PUDP: variants seen among roughly 807,000 people sequenced by gnomAD.
The protein encoded by PUDP is pseudouridine 5'-phosphatase.
In PUDP, 8 loss-of-function variants were observed where a neutral mutation model predicts 9.4. The observed-to-expected ratio is 0.85, with a 90% CI of 0.50 to 1.53. The LOEUF is 1.53. Ranked by LOEUF, PUDP falls within the 40% of genes most tolerant of loss-of-function variation. PUDP has a pLI of 0.00. For synonymous variants in PUDP, 99 were observed against 80.7 expected (o/e 1.23, Z -1.22); for missense variants, 188 against 189.7 (o/e 0.99, Z 0.05).
chrX:6,762,656 T>C (rs1438766188), intron 3 of PUDP, among the ~76,000 whole-genome samples: 2 of 112,208 alleles, frequency 1.8e-5, no homozygotes, highest in Admixed American at 9.4e-5. Context: ...ATACTTAAAA[T>C]AGCAGGAGAA....
At chrX:6,729,629 T>G (rs1486530912) in intron 3 of PUDP, among the ~76,000 whole-genome samples, 7 of 112,090 alleles carry the variant, frequency 6.2e-5, no homozygotes, top group African/African-American at 2.3e-4. Flanking sequence ...GATCAATCCT[T>G]TATTCTTTAA....
At chrX:6,722,797 A>G (rs186600779), upstream of PUDP, among the ~76,000 whole-genome samples, 7 of 112,252 alleles carry the variant, frequency 6.2e-5, no homozygotes, top group African/African-American at 9.7e-5. Context: ...AGTAAAGGAG[A>G]TTGAACAACT....
At chrX:6,799,697 C>G (rs1045043390) in intron 3 of PUDP, among the ~76,000 whole-genome samples, 3 of 111,357 alleles carry the variant, frequency 2.7e-5, no homozygotes, top group Non-Finnish European at 5.6e-5. Flanking sequence ...ATTAGCCAGA[C>G]GTGGTGGTGC....
chrX:6,990,723 C>T (rs1265956351), intron 1 of PUDP, among the ~76,000 whole-genome samples: 1 of 111,776 alleles, frequency 8.9e-6, no homozygotes, highest in Non-Finnish European at 1.9e-5. Context: ...ATGCCAATGC[C>T]GCATGGGCCG....
intron 1 of PUDP, among the ~76,000 whole-genome samples, chrX:7,005,416 A>G (rs1929389272): frequency 9.2e-6 from 1 of 109,146 alleles, no homozygotes; most frequent in Non-Finnish European, 1.9e-5. Context: ...TATTATTATT[A>G]TTATTATTTT....
chrX:6,711,391 G>A (rs55743671), intron 1 of PUDP, among the ~76,000 whole-genome samples: 23,540 of 110,529 alleles, frequency 0.21, 2,375 homozygotes, highest in Non-Finnish European at 0.31. Context: ...GGTGTGCTGC[G>A]AGACCCTCTC....
chrX:6,903,810 G>C (rs1927726067), intron 3 of PUDP, among the ~76,000 whole-genome samples: 1 of 110,172 alleles, frequency 9.1e-6, no homozygotes, highest in African/African-American at 3.3e-5. Flanking sequence ...TAGGAGGGAG[G>C]TAAGAGCTGA....
intron 3 of PUDP, among the ~76,000 whole-genome samples, chrX:6,838,583 C>A (rs1180590509): frequency 8.9e-6 from 1 of 112,226 alleles, no homozygotes; most frequent in Non-Finnish European, 1.9e-5. Flanking sequence ...AGAACCGCAG[C>A]ATTCAAAATA....
At chrX:6,803,506 C>T (rs1056311492) in intron 3 of PUDP, among the ~76,000 whole-genome samples, 4 of 112,325 alleles carry the variant, frequency 3.6e-5, no homozygotes, top group African/African-American at 1.3e-4. Context: ...AAAACATGCC[C>T]TTTGCATGTA....
At chrX:6,733,275 C>T (rs1053489788) in intron 3 of PUDP, among the ~76,000 whole-genome samples, 1 of 111,693 alleles carries the variant, frequency 9.0e-6, no homozygotes, top group Non-Finnish European at 1.9e-5. Flanking sequence ...CCAGTCTGCT[C>T]GGGAGAGGCA....
chrX:7,104,373 T>C (rs1931820922), intron 2 of PUDP, among the ~76,000 whole-genome samples: 1 of 111,496 alleles, frequency 9.0e-6, no homozygotes, highest in Admixed American at 9.5e-5. Context: ...AAACAGAAAG[T>C]AGAATGGTGG....
At chrX:6,816,959 T>C (rs1457988325) in intron 3 of PUDP, among the ~76,000 whole-genome samples, 1 of 96,880 alleles carries the variant, frequency 1.0e-5, no homozygotes, top group Non-Finnish European at 2.0e-5. Context: ...TATATGTATA[T>C]ACAATATATA....
At chrX:6,983,511 C>A (rs1929065060) in intron 1 of PUDP, among the ~76,000 whole-genome samples, 1 of 112,069 alleles carries the variant, frequency 8.9e-6, no homozygotes, top group South Asian at 3.7e-4. Context: ...GGGGAAGTTG[C>A]AAATTTTATG....
intron 2 of PUDP, among the ~76,000 whole-genome samples, chrX:7,092,278 ATTC>A (rs1171079013): frequency 1.8e-5 from 2 of 113,154 alleles, no homozygotes; most frequent in Non-Finnish European, 3.7e-5. Flanking sequence ...ACAGAAAAGT[ATTC>A]TTCTTTTAAA....
intron 3 of PUDP, among the ~76,000 whole-genome samples, chrX:6,885,605 T>C (rs1416607629): frequency 8.9e-6 from 1 of 112,303 alleles, no homozygotes; most frequent in Non-Finnish European, 1.9e-5. Flanking sequence ...CATCAAGTTT[T>C]GCTGGAATCC....
intron 3 of PUDP, among the ~76,000 whole-genome samples, chrX:6,815,028 A>C (rs1315619325): frequency 9.0e-6 from 1 of 111,367 alleles, no homozygotes; most frequent in Admixed American, 9.6e-5. Context: ...TCTTGTTGCT[A>C]TTCATGATTG....
chrX:6,915,418 C>A (rs1927914463), intron 3 of PUDP, among the ~76,000 whole-genome samples: 1 of 111,881 alleles, frequency 8.9e-6, no homozygotes, highest in Non-Finnish European at 1.9e-5. Flanking sequence ...AGAGGGATGC[C>A]TCAGTATCTC....
intron 3 of PUDP, among the ~76,000 whole-genome samples, chrX:6,879,637 A>C (rs996447921): frequency 8.0e-5 from 9 of 111,942 alleles, no homozygotes; most frequent in African/African-American, 2.9e-4. Flanking sequence ...GTCTGCATCC[A>C]GTGAGACAGA....
At chrX:7,108,181 T>A (rs1216367302) in intron 1 of PUDP, among the ~76,000 whole-genome samples, 1 of 112,771 alleles carries the variant, frequency 8.9e-6, no homozygotes, top group Non-Finnish European at 1.9e-5. Context: ...CCAAACTGCA[T>A]CTCTTGACTG....
Sources: gnomAD v4.1 joint callset for allele counts (sites outside exome capture counted in the v4.1 genomes callset) on GRCh38, gnomAD v4.1.1 for gene constraint, MANE v1.5 for transcripts, NCBI Gene and HGNC (gene_info 2026-07-23, HGNC 2026-07-21) for gene names.